The following NCOA1 variants were observed in gnomAD, a reference collection of about 807,000 sequenced individuals.
NCOA1 encodes the protein nuclear receptor coactivator 1, also known as Hin-2 protein.
Under a neutral mutation model 150.9 loss-of-function variants are expected in NCOA1, and 35 were observed. That is an observed-to-expected ratio of 0.23 (90% confidence interval 0.18 to 0.31). The LOEUF (loss-of-function observed/expected upper bound fraction) is 0.31. Among genes scored for constraint, NCOA1 ranks in the 10% least tolerant of loss-of-function variants. The pLI is 1.00. For synonymous variants in NCOA1, 590 were observed against 630.0 expected, an observed-to-expected ratio of 0.94 and a Z score of 0.95; for missense variants, 1,491 against 1,749.3, an observed-to-expected ratio of 0.85 and a Z score of 2.63.
At chr2:24,568,690 T>C (rs1666608568) in intron 2 of NCOA1, among the ~76,000 whole-genome samples, 1 of 152,248 alleles carries the variant, frequency 6.6e-6, no homozygotes, top group African/African-American at 2.4e-5. Flanking sequence ...ATTGAGAAGC[T>C]TGTAAAACCA....
In NCOA1 at chr2:24,731,715, T is replaced by C. The variant is rs1040459438; in HGVS notation, c.3201+1900T>C. 1.1e-4 allele frequency among the ~76,000 whole-genome samples: 16 copies of C among 152,222 alleles called. 1 individual carries two copies. Among genetic ancestry groups the C allele is most frequent in the Admixed American group, 8.5e-4 (13 of 15,280 alleles). ...AAGGAATCATAAATGTTCTGAGATA[T>C]TAATTGAAGATAAACTACTTCTTGT... On this transcript the variant is annotated intron_variant, in intron 17 of 22. Coordinates refer to ENST00000348332, the MANE Select transcript of NCOA1 (RefSeq NM_003743.5).
Position 24,596,419 on chromosome 2 carries a change from C to T in NCOA1, c.-175+11859C>T, listed in dbSNP as rs545128385. On this transcript the variant is annotated intron_variant, in intron 3 of 22. Transcript: ENST00000348332. Reference sequence around the variant, plus strand: ...GCAGTTCTTACAAAATAGTCCTTAGCGTAGTAGTCTCACAGAGTTATGAAA... The same window carrying T: ...GCAGTTCTTACAAAATAGTCCTTAGTGTAGTAGTCTCACAGAGTTATGAAA... Among the ~76,000 whole-genome samples, 25 of 152,078 alleles carry T rather than the reference C, an allele frequency of 1.6e-4. 1 individual carries two copies. The South Asian group carries it at 4.2e-3, about 25-fold the overall frequency.
chr2:24,697,609 AT>A, intron 10 of NCOA1, 48 bp from the exon 11 acceptor site: 1 of 1,480,824 alleles, frequency 6.8e-7, no homozygotes, highest in African/African-American at 1.4e-5. Flanking sequence ...AATACAGATG[AT>A]TTATATAAAG....
intron 1 of NCOA1, among the ~76,000 whole-genome samples, chr2:24,542,540 T>G (rs1457164242): frequency 6.6e-6 from 1 of 152,218 alleles, no homozygotes; most frequent in East Asian, 1.9e-4. Flanking sequence ...AATTTTTGCT[T>G]TAGGTTAAAT....
chr2:24,713,122 T>C (rs925388561), intron 14 of NCOA1, among the ~76,000 whole-genome samples: 4 of 152,040 alleles, frequency 2.6e-5, no homozygotes, highest in Admixed American at 2.0e-4. Flanking sequence ...TCCCAGCTAC[T>C]TGGGAGGCTG....
At chr2:24,755,944 G>A (rs1382620094) in intron 20 of NCOA1, among the ~76,000 whole-genome samples, 1 of 151,942 alleles carries the variant, frequency 6.6e-6, no homozygotes, top group African/African-American at 2.4e-5. Flanking sequence ...TTAGAAAATA[G>A]GCATAGAGGC....
intron 1 of NCOA1, among the ~76,000 whole-genome samples, chr2:24,528,198 T>C (rs1351434229): frequency 3.9e-5 from 6 of 152,164 alleles, no homozygotes; most frequent in African/African-American, 7.2e-5. Flanking sequence ...TTTTATAGCC[T>C]GAGCTTTTGG....
chr2:24,631,924 C>T (rs12465047), intron 3 of NCOA1, among the ~76,000 whole-genome samples: 76,694 of 151,544 alleles, frequency 0.51, 21,118 homozygotes, highest in Admixed American at 0.66. Flanking sequence ...CTTAAATTCA[C>T]GAAAAAATTA....
chr2:24,606,853 A>G (rs1280379022), intron 3 of NCOA1, among the ~76,000 whole-genome samples: 1 of 152,190 alleles, frequency 6.6e-6, no homozygotes, highest in East Asian at 1.9e-4. Flanking sequence ...TAAATTCGAT[A>G]TATTTTTATT....
At chr2:24,524,801 G>C (rs1016856721) in intron 1 of NCOA1, among the ~76,000 whole-genome samples, 1 of 151,162 alleles carries the variant, frequency 6.6e-6, no homozygotes, top group African/African-American at 2.4e-5. Flanking sequence ...ATAGAGACGG[G>C]GTTTCACCAT....
intron 3 of NCOA1, among the ~76,000 whole-genome samples, chr2:24,642,037 T>TGTGTGCGCGCGC (rs942145000): frequency 3.6e-5 from 5 of 138,452 alleles, no homozygotes; most frequent in African/African-American, 1.3e-4. Flanking sequence ...TGTGTGTGTG[T>TGTGTGCGCGCGC]GCGCGCGTGC....
At chr2:24,649,785 G>GA (rs11434788) in intron 4 of NCOA1, among the ~76,000 whole-genome samples, 142,276 of 152,192 alleles carry the variant, frequency 0.93, 66,603 homozygotes, top group East Asian at 1. Context: ...TTTGTATTTA[G>GA]AAAAATTAAT....
At chr2:24,702,612 A>G (rs1039208764) in intron 11 of NCOA1, among the ~76,000 whole-genome samples, 7 of 152,198 alleles carry the variant, frequency 4.6e-5, no homozygotes, top group South Asian at 4.1e-4. Flanking sequence ...TAAAAAATAA[A>G]TAAATAAAAG....
intron 3 of NCOA1, among the ~76,000 whole-genome samples, chr2:24,624,934 C>T (rs893351987): frequency 6.6e-6 from 1 of 152,120 alleles, no homozygotes; most frequent in Admixed American, 6.5e-5. Context: ...GTAGGCATTG[C>T]CAACCATACG....
intron 20 of NCOA1, among the ~76,000 whole-genome samples, chr2:24,755,676 G>A (rs570905345): frequency 2.6e-4 from 40 of 152,346 alleles, no homozygotes; most frequent in African/African-American, 7.7e-4. Context: ...AGCTGCAGAA[G>A]AGCTTGGTCT....
At chr2:24,723,223 T>TC (rs1674446667) in intron 14 of NCOA1, among the ~76,000 whole-genome samples, 1 of 152,200 alleles carries the variant, frequency 6.6e-6, no homozygotes, top group Non-Finnish European at 1.5e-5. Flanking sequence ...CATTAGCTGT[T>TC]CTGTATCTTA....
At chr2:24,643,329 T>C (rs1238681127) in intron 3 of NCOA1, among the ~76,000 whole-genome samples, 1 of 152,168 alleles carries the variant, frequency 6.6e-6, no homozygotes, top group East Asian at 1.9e-4. Context: ...TCACCCAGTG[T>C]AATTCCTTTC....
At chr2:24,697,856 A>G (rs1423886379) in intron 11 of NCOA1, 58 bp downstream of exon 11, 3 of 1,506,408 alleles carry the variant, frequency 2.0e-6, no homozygotes, top group Admixed American at 1.8e-5. Flanking sequence ...ATATTTGAAT[A>G]GTTCGTATAG....
rs552733957 is a variant in NCOA1 at position 24,554,255 on chromosome 2, A to G, written c.-395-10040A>G. On this transcript the variant is annotated intron_variant, in intron 1 of 22. Transcript: ENST00000348332. ...CTACCTCCTTAAGGTGGAGGCTTAA[A>G]TTATTGATTCAAGACCTTACTTGTT... 8.5e-4 allele frequency: 129 copies of G among 152,264 alleles called. 1 individual carries two copies. The highest frequency in any genetic ancestry group is 3.1e-3 in the African/African-American group (127 of 41,548). 9.4% of individuals were successfully genotyped at this position (152,264 alleles called of 1,614,324 possible).
Sources: allele counts gnomAD v4.1 joint callset (sites outside exome capture counted in the v4.1 genomes callset), GRCh38; gene constraint gnomAD v4.1.1; transcripts MANE v1.5; gene names NCBI Gene and HGNC (gene_info 2026-07-23, HGNC 2026-07-21).